Variants in TTC39C observed in about 807,000 individuals in gnomAD.
TTC39C encodes tetratricopeptide repeat domain 39C, also known as tetratricopeptide repeat protein 39C.
TTC39C carries 33 observed loss-of-function variants against 76.3 expected under a neutral mutation model. The observed-to-expected ratio is 0.43, with a 90% CI of 0.33 to 0.58. The LOEUF (loss-of-function observed/expected upper bound fraction) is 0.58, where lower values mean the gene tolerates loss of function less well. TTC39C is among the 20% of genes least tolerant of loss of function. The probability of loss-of-function intolerance (pLI) is 0.04; values close to 1 mark genes in which losing one functional copy is unlikely to be tolerated. For missense variants in TTC39C, 595 were observed against 701.4 expected (o/e 0.85, Z 1.71); for synonymous variants, 254 against 260.6 (o/e 0.97, Z 0.24).
At chr18:24,103,613 ATGT>A (rs1403722198) in intron 6 of TTC39C, among the ~76,000 whole-genome samples, 1 of 152,110 alleles carries the variant, frequency 6.6e-6, no homozygotes, top group East Asian at 1.9e-4. Context: ...TTCACATGTG[ATGT>A]TGTTCACATT....
chr18:24,082,972 A>T lies in TTC39C; in HGVS notation c.875A>T (p.Asp292Val), dbSNP rs773381858. Reference sequence around the variant, plus strand: ...CCGTTTTTTGCCTTGGATGGCAGTGATAACAAGGCAGGCCTGGATGAAGCT... The same window carrying T: ...CCGTTTTTTGCCTTGGATGGCAGTGTTAACAAGGCAGGCCTGGATGAAGCT... ...VRPFFALDGS[D>V]NKAGLDEAKE... The change falls in exon 6 of 14, where the codon GAT becomes GTT. Residue 292 changes from aspartate to valine, a missense_variant. Coordinates refer to ENST00000317571, the MANE Select transcript of TTC39C (RefSeq NM_001135993.2). 2 of 1,614,100 alleles carry T rather than the reference A, an allele frequency of 1.2e-6. No homozygotes were observed. Among genetic ancestry groups the T allele is most frequent in the Non-Finnish European group, 1.7e-6 (2 of 1,179,962 alleles).
Position 24,118,076 on chromosome 18 carries a change from A to G in TTC39C, c.1079-49A>G, listed in dbSNP as rs1430301863. 4 of 1,503,724 alleles carry G rather than the reference A, an allele frequency of 2.7e-6. No individual in the cohort carries two copies. In the Admixed American group the frequency reaches 5.4e-5, roughly 20 times the overall value. The allele number at this position is 1,503,724 out of a possible 1,614,324, so 93.1% of individuals were successfully genotyped here. ...GAGGCTCGTGGCTTAAATATGGGTC[A>G]TAGAGCTCAGTACTTTAGGGTCATG... On this transcript the variant is annotated intron_variant, in intron 7 of 13. Coordinates refer to ENST00000317571, the MANE Select transcript of TTC39C (RefSeq NM_001135993.2).
In TTC39C at chr18:24,132,549, C is replaced by T; in HGVS notation, c.1727C>T (p.Ser576Phe). 6.2e-7 allele frequency: 1 copy of T among 1,614,004 alleles called. No individual in the cohort carries two copies. Among genetic ancestry groups the T allele is most frequent in the Non-Finnish European group, 8.5e-7 (1 of 1,179,936 alleles). The change falls in exon 14 of 14, where the codon TCT (serine) becomes TTT (phenylalanine). Residue 576 changes from serine (S) to phenylalanine (F), a missense_variant. Physicochemically the swap from Ser to Phe is radical, Grantham distance 155. Coordinates refer to ENST00000317571, the MANE Select transcript of TTC39C (RefSeq NM_001135993.2). Reference sequence around the variant, plus strand: ...GTCCGCATCCATGCTGCTCTGGCCTCTCTGAGGGAATTGGTTCCTCAGTGA... The same window carrying T: ...GTCCGCATCCATGCTGCTCTGGCCTTTCTGAGGGAATTGGTTCCTCAGTGA... ...LHVRIHAALA[S>F]LRELVPQ is the part of the protein sequence containing the mutation.
intron 1 of TTC39C, among the ~76,000 whole-genome samples, chr18:24,002,313 A>G (rs1019093032): frequency 2.6e-5 from 4 of 152,200 alleles, no homozygotes; most frequent in African/African-American, 7.2e-5. Flanking sequence ...ATGGGCAAGC[A>G]TGGAGACCAA....
chr18:24,015,615 C>A (rs920414517), intron 1 of TTC39C, among the ~76,000 whole-genome samples: 4 of 152,236 alleles, frequency 2.6e-5, no homozygotes, highest in East Asian at 3.9e-4. Context: ...GCCCACTCAT[C>A]TCTCTGCCTT....
chr18:24,023,840 C>T (rs1463797524), intron 1 of TTC39C, among the ~76,000 whole-genome samples: 2 of 96,760 alleles, frequency 2.1e-5, no homozygotes, highest in Non-Finnish European at 5.1e-5. Context: ...GATTGTAATT[C>T]CCCTTTTATG....
chr18:24,123,491 C>G, intron 8 of TTC39C: 1 of 184,228 alleles, frequency 5.4e-6, no homozygotes. Context: ...ATTGCAACCT[C>G]TGCCTCCTAA....
At chr18:24,110,136 T>C (rs1413240553) in intron 6 of TTC39C, among the ~76,000 whole-genome samples, 1 of 152,224 alleles carries the variant, frequency 6.6e-6, no homozygotes, top group Non-Finnish European at 1.5e-5. Flanking sequence ...CCTCAGGTAA[T>C]ATGTTCCTGT....
Position 24,109,829 on chromosome 18 carries a change from A to C in TTC39C, c.985-4725A>C, listed in dbSNP as rs539781829. 2.5e-4 allele frequency among the ~76,000 whole-genome samples: 38 copies of C among 152,130 alleles called. 1 individual carries two copies. Among genetic ancestry groups the C allele is most frequent in the African/African-American group, 8.9e-4 (37 of 41,478 alleles). On this transcript the variant is annotated intron_variant, in intron 6 of 13. Coordinates refer to ENST00000317571, the MANE Select transcript of TTC39C (RefSeq NM_001135993.2). Reference sequence around the variant, plus strand: ...AGACCAGCCTGGCCAACATGGTGAAACCCTGTCTCTAGTAAAAATCCAAAA... The same window carrying C: ...AGACCAGCCTGGCCAACATGGTGAACCCCTGTCTCTAGTAAAAATCCAAAA...
At chr18:24,040,891 CTATA>C (rs1464420702) in intron 1 of TTC39C, among the ~76,000 whole-genome samples, 1 of 151,618 alleles carries the variant, frequency 6.6e-6, no homozygotes, top group Non-Finnish European at 1.5e-5. Flanking sequence ...TTTGGGGGGG[CTATA>C]TTATAAATTA....
intron 4 of TTC39C, among the ~76,000 whole-genome samples, chr18:24,075,696 A>AC (rs1330776240): frequency 4.7e-4 from 71 of 150,960 alleles, no homozygotes; most frequent in African/African-American, 1.6e-3. Flanking sequence ...AAAAAAAAAA[A>AC]AAAAAAACAA....
chr18:24,043,975 C>T (rs1428298556), intron 1 of TTC39C, among the ~76,000 whole-genome samples: 1 of 152,058 alleles, frequency 6.6e-6, no homozygotes. Flanking sequence ...TTTACTACCG[C>T]GGATTGGATT....
intron 1 of TTC39C, chr18:24,020,316 C>T (rs1162867170): frequency 3.0e-6 from 3 of 991,232 alleles, no homozygotes; most frequent in Non-Finnish European, 2.4e-6. Context: ...TTTAAAATGC[C>T]ACTGCCTGTA....
intron 1 of TTC39C, chr18:24,022,752 C>T (rs1422577422): frequency 1.4e-5 from 14 of 985,244 alleles, no homozygotes; most frequent in Non-Finnish European, 1.7e-5. Context: ...GGCCTGGCCT[C>T]CGATGTCCTG....
At chr18:24,055,895 T>G (rs1055464751) in intron 1 of TTC39C, among the ~76,000 whole-genome samples, 2 of 152,224 alleles carry the variant, frequency 1.3e-5, no homozygotes, top group Non-Finnish European at 2.9e-5. Flanking sequence ...AACAGCTTCA[T>G]GCATGTAGTT....
intron 3 of TTC39C, among the ~76,000 whole-genome samples, chr18:24,067,901 C>G (rs1472580170): frequency 1.3e-5 from 2 of 152,146 alleles, no homozygotes; most frequent in African/African-American, 4.8e-5. Context: ...CTGGAACATT[C>G]TCCTCCCTCG....
intron 4 of TTC39C, among the ~76,000 whole-genome samples, chr18:24,073,223 G>C (rs374102390): frequency 2.0e-5 from 3 of 152,290 alleles, no homozygotes; most frequent in East Asian, 1.9e-4. Flanking sequence ...TATCTTTCCA[G>C]AACTGCTTAA....
intron 1 of TTC39C, among the ~76,000 whole-genome samples, chr18:24,042,827 G>A (rs2083814279): frequency 6.6e-6 from 1 of 152,174 alleles, no homozygotes; most frequent in Admixed American, 6.5e-5. Context: ...AATAACGGGT[G>A]TGCCTAATGA....
At chr18:24,065,934 T>A in intron 2 of TTC39C, 78 bp from the exon 3 acceptor site, 1 of 1,404,932 alleles carries the variant, frequency 7.1e-7, no homozygotes, top group Non-Finnish European at 9.5e-7. Context: ...TTTTTTAATT[T>A]GGAGTTTTCT....
Sources: allele counts gnomAD v4.1 joint callset (sites outside exome capture counted in the v4.1 genomes callset), GRCh38; gene constraint gnomAD v4.1.1; transcripts MANE v1.5; gene names NCBI Gene and HGNC (gene_info 2026-07-23, HGNC 2026-07-21).